The following ARFGEF1 variants were observed in gnomAD, a reference collection of about 807,000 sequenced individuals.
ARFGEF1 encodes brefeldin A-inhibited guanine nucleotide-exchange protein 1.
Under a neutral mutation model 231.0 loss-of-function variants are expected in ARFGEF1, and 42 were observed. The observed-to-expected ratio is 0.18, with a 90% CI of 0.14 to 0.24. The LOEUF (loss-of-function observed/expected upper bound fraction) is 0.24, where lower values mean the gene tolerates loss of function less well. Among genes scored for constraint, ARFGEF1 ranks in the 10% least tolerant of loss-of-function variants. ARFGEF1 has a pLI of 1.00. For missense variants in ARFGEF1, 1,345 were observed against 2,192.0 expected, an observed-to-expected ratio of 0.61 and a Z score of 7.72; for synonymous variants, 710 against 732.3, an observed-to-expected ratio of 0.97 and a Z score of 0.49.
At chr8:67,288,557 AC>A (rs1805857967) in intron 6 of ARFGEF1, among the ~76,000 whole-genome samples, 1 of 151,862 alleles carries the variant, frequency 6.6e-6, no homozygotes, top group Non-Finnish European at 1.5e-5. Flanking sequence ...ACATGGTGAA[AC>A]CCCATCTCTA....
At chr8:67,249,181 G>A (rs1269443652) in intron 19 of ARFGEF1, among the ~76,000 whole-genome samples, 1 of 150,012 alleles carries the variant, frequency 6.7e-6, no homozygotes, top group Non-Finnish European at 1.5e-5. Flanking sequence ...AACTTACAAT[G>A]GTTCAACTTA....
intron 9 of ARFGEF1, among the ~76,000 whole-genome samples, chr8:67,273,403 GTTTT>G (rs1177832210): frequency 1.6e-5 from 1 of 62,370 alleles, no homozygotes; most frequent in Non-Finnish European, 3.0e-5. Flanking sequence ...CTAGCAGTTG[GTTTT>G]TTTTTTTTTC....
At chr8:67,175,379 C>A (rs1236506900), downstream of ARFGEF1, 1 of 1,614,080 alleles carries the variant, frequency 6.2e-7, no homozygotes, top group African/African-American at 1.3e-5. Context: ...GCAGCAAGCC[C>A]TGCTAAGAGA....
At chr8:67,282,191 T>C (rs1342719837) in intron 7 of ARFGEF1, among the ~76,000 whole-genome samples, 1 of 152,068 alleles carries the variant, frequency 6.6e-6, no homozygotes, top group East Asian at 1.9e-4. Context: ...AAATGTACTA[T>C]AAAGCCAAAA....
At chr8:67,214,893 G>A (rs73693148) in intron 33 of ARFGEF1, among the ~76,000 whole-genome samples, 12,709 of 152,156 alleles carry the variant, frequency 0.084, 1,072 homozygotes, top group African/African-American at 0.22. Flanking sequence ...TTAAGAAAAA[G>A]AAGAACAACT....
chr8:67,211,236 C>T (rs547692463), intron 34 of ARFGEF1, among the ~76,000 whole-genome samples: 4 of 149,698 alleles, frequency 2.7e-5, no homozygotes, highest in South Asian at 4.3e-4. Context: ...CCCAGCTACC[C>T]GGGAGGCTGA....
chr8:67,298,591 T>G (rs1156266643), intron 4 of ARFGEF1, among the ~76,000 whole-genome samples: 1 of 152,176 alleles, frequency 6.6e-6, no homozygotes. Context: ...GGATGCAATA[T>G]ATATATACAT....
rs1029191646 is a variant in ARFGEF1 at position 67,306,456 on chromosome 8, T to C, written c.125-3990A>G. On this transcript the variant is annotated intron_variant, in intron 1 of 38. Coordinates refer to ENST00000262215, the MANE Select transcript of ARFGEF1 (RefSeq NM_006421.5). ...ACACATTTAATAAACAGGAAAGACTTTTTTTTTAAACTGAGTATATGCGAG... is the reference window on the plus strand; with the variant it reads ...ACACATTTAATAAACAGGAAAGACTCTTTTTTTAAACTGAGTATATGCGAG... Among the ~76,000 whole-genome samples the C allele has an allele frequency of 8.6e-5, 13 of 151,910 alleles. No individual in the cohort carries two copies. The East Asian group carries it at 1.5e-3, about 18-fold the overall frequency.
intron 5 of ARFGEF1, chr8:67,190,611 C>T (rs1388581088): frequency 7.0e-7 from 1 of 1,436,134 alleles, no homozygotes; most frequent in East Asian, 2.3e-5. Context: ...AGATTTGAAG[C>T]AGTATTAAGA....
chr8:67,200,645 A>G (rs967976796), intron 37 of ARFGEF1, 132 bp from the exon 38 acceptor site: 2 of 640,860 alleles, frequency 3.1e-6, no homozygotes, highest in African/African-American at 3.6e-5. Flanking sequence ...ATCTGTTTAC[A>G]TTAGCTGGAG....
chr8:67,195,518 G>A, downstream of ARFGEF1: 3 of 1,614,222 alleles, frequency 1.9e-6, no homozygotes, highest in Non-Finnish European at 2.5e-6. Flanking sequence ...CAGAGCAGCT[G>A]AACCAGGAGC....
At chr8:67,325,866 A>G (rs901724156) in intron 1 of ARFGEF1, among the ~76,000 whole-genome samples, 2 of 152,318 alleles carry the variant, frequency 1.3e-5, no homozygotes, top group Admixed American at 1.3e-4. Context: ...AGCTAATTTC[A>G]GGAAAGCACT....
At chr8:67,310,785 T>C (rs188298611) in intron 1 of ARFGEF1, among the ~76,000 whole-genome samples, 2,423 of 141,904 alleles carry the variant, frequency 0.017, 68 homozygotes, top group African/African-American at 0.061. Flanking sequence ...TCTGCCCGGC[T>C]GCCCCATCTG....
intron 38 of ARFGEF1, 169 bp from the exon 39 acceptor site, chr8:67,199,267 T>G: frequency 1.5e-6 from 1 of 659,340 alleles, no homozygotes; most frequent in Non-Finnish European, 2.4e-6. Flanking sequence ...TTAGAAAAAC[T>G]CACTTCATAC....
intron 22 of ARFGEF1, among the ~76,000 whole-genome samples, chr8:67,238,089 A>G (rs1839824762): frequency 6.6e-6 from 1 of 152,186 alleles, no homozygotes; most frequent in Non-Finnish European, 1.5e-5. Flanking sequence ...TATTTTTAAA[A>G]GCAAGTAATT....
downstream of ARFGEF1, chr8:67,196,115 T>G (rs557165584): frequency 6.5e-6 from 1 of 152,832 alleles, no homozygotes; most frequent in East Asian, 1.9e-4. Flanking sequence ...GAACTGTAAT[T>G]ACTTGTATTT....
chr8:67,317,770 T>G (rs1459187525), intron 1 of ARFGEF1, among the ~76,000 whole-genome samples: 1 of 151,330 alleles, frequency 6.6e-6, no homozygotes, highest in Non-Finnish European at 1.5e-5. Flanking sequence ...ACGGTGGCAC[T>G]TGCCTGTAGT....
chr8:67,243,869 G>A (rs1021675350), intron 19 of ARFGEF1, among the ~76,000 whole-genome samples: 1 of 152,056 alleles, frequency 6.6e-6, no homozygotes, highest in Non-Finnish European at 1.5e-5. Context: ...AGGTAACACA[G>A]AAGAAATTCA....
Position 67,296,415 on chromosome 8 carries a change from T to C in ARFGEF1, c.639+16A>G. ...TGTTGTGTTCTATACAACCTCTCTCTTCTTAAAATACTTACTGCTTGGTTT... is the reference window on the plus strand; with the variant it reads ...TGTTGTGTTCTATACAACCTCTCTCCTCTTAAAATACTTACTGCTTGGTTT... On this transcript the variant is annotated intron_variant, in intron 5 of 38. Transcript: ENST00000262215. 6.2e-7 allele frequency: 1 copy of C among 1,612,736 alleles called. No homozygotes were observed. The highest frequency in any genetic ancestry group is 8.5e-7 in the Non-Finnish European group (1 of 1,179,194).
Sources: allele counts gnomAD v4.1 joint callset (sites outside exome capture counted in the v4.1 genomes callset), GRCh38; gene constraint gnomAD v4.1.1; transcripts MANE v1.5; gene names NCBI Gene and HGNC (gene_info 2026-07-23, HGNC 2026-07-21).